ERC2: variants seen among roughly 807,000 people sequenced by gnomAD.
The protein encoded by ERC2 is ELKS/RAB6-interacting/CAST family member 2.
In ERC2, 42 loss-of-function variants were observed where a neutral mutation model predicts 114.8. The ratio of observed to expected loss-of-function variants is 0.37; its 90% confidence interval spans 0.29 to 0.47. The LOEUF (loss-of-function observed/expected upper bound fraction) is 0.47. Among genes scored for constraint, ERC2 ranks in the 20% least tolerant of loss-of-function variants. The pLI is 0.99. For missense variants in ERC2, 939 were observed against 1,150.7 expected (o/e 0.82, Z 2.66); for synonymous variants, 454 against 425.5 (o/e 1.07, Z -0.82).
In ERC2 at chr3:55,645,777, C is replaced by T. The variant is rs976573145; in HGVS notation, c.*39+38017G>A. 5.3e-5 allele frequency among the ~76,000 whole-genome samples: 8 copies of T among 152,244 alleles called. No individual in the cohort carries two copies. In the South Asian group the frequency reaches 1.7e-3, roughly 32 times the overall value. ...ATTCATGAATGTTTCAATGTTATGA[C>T]AACTTTGGCTTTCCTGCTACCTTTT... On this transcript the variant is annotated intron_variant, in intron 17 of 17. Coordinates refer to ENST00000288221, the MANE Select transcript of ERC2 (RefSeq NM_015576.3).
At chr3:56,030,149 T>G (rs2074291488) in intron 7 of ERC2, among the ~76,000 whole-genome samples, 1 of 152,192 alleles carries the variant, frequency 6.6e-6, no homozygotes, top group Non-Finnish European at 1.5e-5. Flanking sequence ...TTTCCAGTTT[T>G]ATTACATTAA....
At chr3:56,157,142 G>A (rs2081773083) in intron 4 of ERC2, among the ~76,000 whole-genome samples, 1 of 152,126 alleles carries the variant, frequency 6.6e-6, no homozygotes, top group Non-Finnish European at 1.5e-5. Flanking sequence ...CAATAGATAG[G>A]CCTGCCTTGA....
chr3:56,143,183 C>CTA (rs1207152775), intron 5 of ERC2, among the ~76,000 whole-genome samples: 1 of 152,190 alleles, frequency 6.6e-6, no homozygotes, highest in Non-Finnish European at 1.5e-5. Context: ...GAGATCCCAG[C>CTA]TTCATGTGGT....
intron 3 of ERC2, among the ~76,000 whole-genome samples, chr3:56,181,037 C>A (rs1388223422): frequency 2.0e-5 from 3 of 152,132 alleles, no homozygotes; most frequent in Non-Finnish European, 4.4e-5. Flanking sequence ...CTGTCTATTG[C>A]ACAAAGCTTT....
chr3:55,601,834 C>CAACA (rs2058420556), intron 17 of ERC2, among the ~76,000 whole-genome samples: 1 of 152,158 alleles, frequency 6.6e-6, no homozygotes, highest in Non-Finnish European at 1.5e-5. Flanking sequence ...CTATCTCAAA[C>CAACA]AACAAACAAA....
chr3:56,221,534 T>C (rs889744465), intron 3 of ERC2, among the ~76,000 whole-genome samples: 2 of 152,174 alleles, frequency 1.3e-5, no homozygotes, highest in Admixed American at 1.3e-4. Flanking sequence ...GGGCAGGTTA[T>C]GAACTTGCCC....
intron 14 of ERC2, among the ~76,000 whole-genome samples, chr3:55,772,331 T>C (rs1559630329): frequency 6.6e-6 from 1 of 151,648 alleles, no homozygotes; most frequent in Non-Finnish European, 1.5e-5. Context: ...TTTTTTTTTT[T>C]TGAGACGGAG....
At chr3:55,885,579 T>C (rs1288955077) in intron 14 of ERC2, among the ~76,000 whole-genome samples, 3 of 152,224 alleles carry the variant, frequency 2.0e-5, no homozygotes, top group African/African-American at 4.8e-5. Flanking sequence ...AGCAATAATG[T>C]GGCAATTCAC....
intron 2 of ERC2, among the ~76,000 whole-genome samples, chr3:56,332,225 G>C (rs1197202655): frequency 2.0e-5 from 3 of 152,074 alleles, no homozygotes; most frequent in Non-Finnish European, 4.4e-5. Context: ...TAAATGCACA[G>C]AATTGCTTTT....
At chr3:55,605,998 C>G (rs1305532055) in intron 17 of ERC2, among the ~76,000 whole-genome samples, 5 of 152,046 alleles carry the variant, frequency 3.3e-5, no homozygotes, top group South Asian at 2.1e-4. Flanking sequence ...AAGTCAGACC[C>G]AGGAGAGTTG....
At chr3:55,686,907 A>T (rs1368535657) in intron 16 of ERC2, among the ~76,000 whole-genome samples, 2 of 152,222 alleles carry the variant, frequency 1.3e-5, no homozygotes, top group Admixed American at 6.5e-5. Flanking sequence ...GCTTTTGTTC[A>T]TCTGGGGATG....
At chr3:55,825,686 G>A (rs1244892874) in intron 14 of ERC2, among the ~76,000 whole-genome samples, 1 of 151,738 alleles carries the variant, frequency 6.6e-6, no homozygotes, top group Non-Finnish European at 1.5e-5. Flanking sequence ...GATAATTTCA[G>A]CCATCTCTCA....
chr3:55,825,441 A>G (rs2060286881), intron 14 of ERC2, among the ~76,000 whole-genome samples: 1 of 152,230 alleles, frequency 6.6e-6, no homozygotes, highest in South Asian at 2.1e-4. Context: ...CACAATGTCC[A>G]AATTTTCCAG....
At chr3:55,926,820 A>G (rs1422577910) in intron 13 of ERC2, among the ~76,000 whole-genome samples, 1 of 152,182 alleles carries the variant, frequency 6.6e-6, no homozygotes, top group Non-Finnish European at 1.5e-5. Context: ...TGGAAGGCAA[A>G]TCTATGAAGA....
rs372735281 is a variant in ERC2, at chr3:55,576,879, A to T, written c.*40-65603T>A. On this transcript the variant is annotated intron_variant, in intron 17 of 17. Transcript: ENST00000288221. ...GGGGGAGGATCTTAGGCTGAACCCA[A>T]GCTCTCAGGGCCCTGTGGCCTTTCC... 2.0e-5 allele frequency among the ~76,000 whole-genome samples: 3 copies of T among 152,220 alleles called. No individual in the cohort carries two copies. In the East Asian group the frequency reaches 5.8e-4, roughly 29 times the overall value.
chr3:55,819,995 C>T (rs1215778729), intron 14 of ERC2, among the ~76,000 whole-genome samples: 1 of 152,210 alleles, frequency 6.6e-6, no homozygotes, highest in Non-Finnish European at 1.5e-5. Context: ...TTTCACCTCA[C>T]TTTGAGGGGG....
intron 14 of ERC2, 95 bp from the exon 15 acceptor site, chr3:55,735,013 C>T: frequency 7.7e-7 from 1 of 1,290,960 alleles, no homozygotes; most frequent in Non-Finnish European, 1.0e-6. Context: ...AGAGTATTGT[C>T]TCAATGGAAA....
intron 14 of ERC2, among the ~76,000 whole-genome samples, chr3:55,775,370 A>G (rs1214101157): frequency 6.6e-6 from 1 of 151,908 alleles, no homozygotes; most frequent in African/African-American, 2.4e-5. Context: ...TGTCTCTACT[A>G]AAACTACAAA....
chr3:56,303,046 GCCACCCTGTTTCTGGGATCATTCT>G (rs1303088978), intron 2 of ERC2, among the ~76,000 whole-genome samples: 2 of 152,144 alleles, frequency 1.3e-5, no homozygotes, highest in African/African-American at 4.8e-5. Flanking sequence ...GTTTTTACTC[GCCACCCTGTTTCTGGGATCATTCT>G]CCAGTTGTCT....
Sources: allele counts gnomAD v4.1 joint callset (sites outside exome capture counted in the v4.1 genomes callset), GRCh38; gene constraint gnomAD v4.1.1; transcripts MANE v1.5; gene names NCBI Gene and HGNC (gene_info 2026-07-23, HGNC 2026-07-21).